Variants in SEC24D observed in about 807,000 individuals in gnomAD.
The protein encoded by SEC24D is SEC24 homolog D, COPII component.
Under a neutral mutation model 116.9 loss-of-function variants are expected in SEC24D, and 69 were observed. The observed-to-expected ratio is 0.59, with a 90% confidence interval of 0.49 to 0.72. The LOEUF is 0.72. Ranked by LOEUF, SEC24D falls within the 30% of genes least tolerant of loss-of-function variation. The pLI is 0.00. For synonymous variants in SEC24D, 405 were observed against 442.8 expected, an observed-to-expected ratio of 0.91 and a Z score of 1.07; for missense variants, 1,131 against 1,264.1, an observed-to-expected ratio of 0.89 and a Z score of 1.60.
intron 22 of SEC24D, among the ~76,000 whole-genome samples, chr4:118,723,863 T>C (rs1175468485): frequency 2.6e-5 from 4 of 152,176 alleles, no homozygotes; most frequent in Non-Finnish European, 5.9e-5. Flanking sequence ...CAATTTTAAG[T>C]GGCAAAAATG....
chr4:118,825,914 G>T (rs1048983547), intron 2 of SEC24D, among the ~76,000 whole-genome samples: 1 of 151,998 alleles, frequency 6.6e-6, no homozygotes, highest in South Asian at 2.1e-4. Flanking sequence ...AGATAGAAAG[G>T]AATTGACTGA....
At chr4:118,736,544 C>A in intron 19 of SEC24D, 1 of 323,172 alleles carries the variant, frequency 3.1e-6, no homozygotes, top group Non-Finnish European at 6.0e-6. Context: ...TCTCCATCTT[C>A]ATAGATATTA....
rs748875315 is a variant in SEC24D at position 118,805,923 on chromosome 4, C to T, written c.833G>A (p.Arg278Lys). The change falls in exon 7 of 23, where the codon AGA becomes AAA. Residue 278 changes from arginine to lysine, a missense_variant. Physicochemically the swap from Arg to Lys is conservative, Grantham distance 26. Coordinates refer to ENST00000280551, the MANE Select transcript of SEC24D (RefSeq NM_014822.4). ...IQVIENDRAS[R>K]GGQVYATNTR... ...GTTGGTGGCATAAACTTGTCCTCCT[C>T]TGCTGGCTCTATCATTCTCAATCAC... 6.9e-6 allele frequency: 11 copies of T among 1,596,312 alleles called. No individual in the cohort carries two copies. The highest frequency in any genetic ancestry group is 9.4e-6 in the Non-Finnish European group (11 of 1,172,492).
intron 1 of SEC24D, among the ~76,000 whole-genome samples, chr4:118,835,183 A>G (rs1383896302): frequency 6.6e-6 from 1 of 152,216 alleles, no homozygotes; most frequent in Non-Finnish European, 1.5e-5. Context: ...ACACCTAAGT[A>G]GCAGCCTGTT....
rs1439667257 is a variant in SEC24D, at chr4:118,815,041, G to C, written c.788C>G (p.Ser263Cys). 2 of 1,614,170 alleles carry C rather than the reference G, an allele frequency of 1.2e-6. No individual in the cohort carries two copies. The highest frequency in any genetic ancestry group is 2.2e-5 in the South Asian group (2 of 91,084). ...AAGAGTACTTACTGGGCTAGGGATA[G>C]AGTCAGGATCCAGCTTCTTCTGGGG... Reference protein sequence around the residue: ...PQPQKKLDPDSIPSPIQVIEN... With the variant: ...PQPQKKLDPDCIPSPIQVIEN... Residue 263 changes from serine (S) to cysteine (C), a missense_variant, in exon 6 of 23, where the codon TCT becomes TGT. Transcript: ENST00000280551.
intron 13 of SEC24D, among the ~76,000 whole-genome samples, chr4:118,746,376 G>T (rs955824439): frequency 7.9e-5 from 12 of 152,010 alleles, no homozygotes; most frequent in Non-Finnish European, 1.5e-4. Context: ...TCTGTGCCAG[G>T]CTCTTCACAT....
intron 22 of SEC24D, among the ~76,000 whole-genome samples, chr4:118,724,154 G>A (rs1229426290): frequency 6.6e-6 from 1 of 152,096 alleles, no homozygotes; most frequent in Non-Finnish European, 1.5e-5. Flanking sequence ...CAATACATTC[G>A]TGAGATGAGG....
chr4:118,824,903 T>G (rs961554150), intron 2 of SEC24D, among the ~76,000 whole-genome samples, 154 bp from the exon 3 acceptor site: 1 of 152,228 alleles, frequency 6.6e-6, no homozygotes, highest in African/African-American at 2.4e-5. Context: ...CCTACAGACC[T>G]GTCAATACCA....
chr4:118,819,042 T>G (rs1268101600), intron 3 of SEC24D, among the ~76,000 whole-genome samples: 1 of 152,100 alleles, frequency 6.6e-6, no homozygotes, highest in African/African-American at 2.4e-5. Flanking sequence ...TCTTTATATC[T>G]CTAATCAATT....
intron 10 of SEC24D, among the ~76,000 whole-genome samples, chr4:118,759,944 GACA>G (rs1727287588): frequency 6.6e-6 from 1 of 152,102 alleles, no homozygotes; most frequent in Non-Finnish European, 1.5e-5. Flanking sequence ...TAGAGATTAT[GACA>G]ACATCTCTCC....
chr4:118,723,746 A>G, intron 22 of SEC24D, 91 bp from the exon 23 acceptor site: 1 of 1,362,516 alleles, frequency 7.3e-7, no homozygotes, highest in Non-Finnish European at 1.0e-6. Flanking sequence ...TTTGGCAAAC[A>G]TTATTGAATG....
chr4:118,812,187 A>G (rs1729947625), intron 6 of SEC24D, among the ~76,000 whole-genome samples: 1 of 152,188 alleles, frequency 6.6e-6, no homozygotes, highest in African/African-American at 2.4e-5. Flanking sequence ...CAAACACAAG[A>G]CACACAATTG....
chr4:118,739,415 G>T, intron 17 of SEC24D, 128 bp from the exon 18 acceptor site: 2 of 782,080 alleles, frequency 2.6e-6, no homozygotes, highest in Non-Finnish European at 3.9e-6. Context: ...TTTTTCCACA[G>T]TTTTTTTTCT....
At position 118,752,724 on chromosome 4, in the gene SEC24D, T is replaced by G. The variant is rs1339564689; in HGVS notation, c.1586A>C (p.Tyr529Ser). The change falls in exon 12 of 23, where the codon TAT becomes TCT. Residue 529 changes from tyrosine to serine, a missense_variant. Physicochemically the swap from Tyr to Ser is moderately radical, Grantham distance 144 (BLOSUM62 -2). Coordinates refer to ENST00000280551, the MANE Select transcript of SEC24D (RefSeq NM_014822.4). ...ATGAATCACAGATTGGGATTCTTGA[T>G]AGTTGACAAGGAAACCATCCAACAA... is the stretch of plus-strand genomic sequence containing the variant. ...VPLLDGFLVNYQESQSVIHNL... is the reference protein window; with the variant it reads ...VPLLDGFLVNSQESQSVIHNL... The G allele has an allele frequency of 6.2e-7, 1 of 1,605,126 alleles. No individual in the cohort carries two copies. Among genetic ancestry groups the G allele is most frequent in the Non-Finnish European group, 8.5e-7 (1 of 1,177,456 alleles).
At chr4:118,764,551 T>C (rs985878802) in intron 10 of SEC24D, 6 of 359,184 alleles carry the variant, frequency 1.7e-5, no homozygotes, top group African/African-American at 8.4e-5. Context: ...GGCAAGGACA[T>C]AAAAAATTAT....
At chr4:118,736,824 T>C (rs1725986620) in intron 19 of SEC24D, among the ~76,000 whole-genome samples, 1 of 152,234 alleles carries the variant, frequency 6.6e-6, no homozygotes, top group Non-Finnish European at 1.5e-5. Flanking sequence ...AGAGAAAATT[T>C]ATAATCATAA....
At chr4:118,786,302 ATTT>A (rs1728662390) in intron 8 of SEC24D, among the ~76,000 whole-genome samples, 1 of 151,858 alleles carries the variant, frequency 6.6e-6, no homozygotes, top group Admixed American at 6.6e-5. Context: ...CTTTTCCTAC[ATTT>A]TTCTCTTTCT....
chr4:118,802,845 T>C (rs1729505039), intron 7 of SEC24D, among the ~76,000 whole-genome samples: 1 of 152,182 alleles, frequency 6.6e-6, no homozygotes, highest in Non-Finnish European at 1.5e-5. Flanking sequence ...ACAACTCAAA[T>C]GTCCTTCAAC....
chr4:118,822,762 T>C (rs1440222262), intron 3 of SEC24D, among the ~76,000 whole-genome samples: 1 of 151,924 alleles, frequency 6.6e-6, no homozygotes, highest in Admixed American at 6.6e-5. Context: ...TTTGTAGAGA[T>C]GGGGTCTCAT....
Sources: gnomAD v4.1 joint callset for allele counts (sites outside exome capture counted in the v4.1 genomes callset) on GRCh38, gnomAD v4.1.1 for gene constraint, MANE v1.5 for transcripts, NCBI Gene and HGNC (gene_info 2026-07-23, HGNC 2026-07-21) for gene names.